B3GALT1: variants seen among roughly 807,000 people sequenced by gnomAD.
B3GALT1 encodes the protein beta-1,3-galactosyltransferase 1.
A neutral mutation model predicts 23.2 loss-of-function variants in B3GALT1; 10 were observed. That is an observed-to-expected ratio of 0.43 (90% confidence interval 0.27 to 0.73). The LOEUF (loss-of-function observed/expected upper bound fraction) is 0.73, where lower values mean the gene tolerates loss of function less well. B3GALT1 is among the 30% of genes least tolerant of loss of function. B3GALT1 has a pLI of 0.21. For synonymous variants in B3GALT1, 156 were observed against 141.5 expected, an observed-to-expected ratio of 1.10 and a Z score of -0.73; for missense variants, 299 against 405.4, an observed-to-expected ratio of 0.74 and a Z score of 2.25.
intron 2 of B3GALT1, among the ~76,000 whole-genome samples, chr2:167,592,981 A>G (rs886345676): frequency 6.6e-6 from 1 of 152,206 alleles, no homozygotes; most frequent in African/African-American, 2.4e-5. Context: ...TCAAACTAAC[A>G]GAAGTTGTGG....
At chr2:167,593,897 C>T (rs1202633523) in intron 2 of B3GALT1, among the ~76,000 whole-genome samples, 1 of 152,124 alleles carries the variant, frequency 6.6e-6, no homozygotes, top group Admixed American at 6.5e-5. Context: ...AAATTGAGGA[C>T]TTACCAGGAG....
intron 3 of B3GALT1, among the ~76,000 whole-genome samples, chr2:167,766,766 C>T (rs981092707): frequency 5.3e-5 from 8 of 152,114 alleles, no homozygotes; most frequent in Non-Finnish European, 7.4e-5. Flanking sequence ...GGTACAGTTT[C>T]CCAGGAGTTT....
chr2:167,847,910 T>C (rs1415921349), intron 4 of B3GALT1, among the ~76,000 whole-genome samples: 1 of 151,424 alleles, frequency 6.6e-6, no homozygotes, highest in East Asian at 1.9e-4. Flanking sequence ...CAGGACATAA[T>C]ACAACTGACA....
intron 1 of B3GALT1, among the ~76,000 whole-genome samples, chr2:167,377,303 A>G (rs1269577944): frequency 1.3e-5 from 2 of 152,082 alleles, no homozygotes; most frequent in African/African-American, 2.4e-5. Context: ...AGAGGAATGT[A>G]TATTGTGGTT....
At chr2:167,515,372 G>A (rs1700084191) in intron 2 of B3GALT1, among the ~76,000 whole-genome samples, 1 of 152,168 alleles carries the variant, frequency 6.6e-6, no homozygotes, top group Non-Finnish European at 1.5e-5. Flanking sequence ...TTCAGATGGA[G>A]AAGGTCTTTA....
At chr2:167,764,056 A>C (rs1687937852) in intron 3 of B3GALT1, among the ~76,000 whole-genome samples, 1 of 152,224 alleles carries the variant, frequency 6.6e-6, no homozygotes, top group Admixed American at 6.5e-5. Flanking sequence ...GGTAGAGTGC[A>C]TTTAGACACA....
chr2:167,499,482 TAAAG>T (rs1699822317), intron 2 of B3GALT1, among the ~76,000 whole-genome samples: 1 of 152,122 alleles, frequency 6.6e-6, no homozygotes, highest in African/African-American at 2.4e-5. Context: ...AAATCTTTGT[TAAAG>T]AAAAAATAAG....
chr2:167,379,885 A>C (rs1392542077), intron 1 of B3GALT1, among the ~76,000 whole-genome samples: 1 of 152,210 alleles, frequency 6.6e-6, no homozygotes, highest in African/African-American at 2.4e-5. Flanking sequence ...CTTCTAACAC[A>C]GGAGAATGGG....
chr2:167,712,981 T>C (rs1400086277), intron 3 of B3GALT1, among the ~76,000 whole-genome samples: 2 of 152,206 alleles, frequency 1.3e-5, no homozygotes, highest in Admixed American at 6.5e-5. Flanking sequence ...TTTTGGATAA[T>C]GTCCATATGG....
chr2:167,684,998 C>G (rs1558948503), intron 3 of B3GALT1, among the ~76,000 whole-genome samples: 1 of 152,142 alleles, frequency 6.6e-6, no homozygotes, highest in Admixed American at 6.5e-5. Flanking sequence ...TAACTACTTC[C>G]TACTCCAAAC....
intron 3 of B3GALT1, among the ~76,000 whole-genome samples, chr2:167,708,259 C>A (rs1686994117): frequency 6.6e-6 from 1 of 152,234 alleles, no homozygotes; most frequent in African/African-American, 2.4e-5. Flanking sequence ...ATAAGAATAA[C>A]AACTTAAAGT....
chr2:167,855,056 A>G (rs1689973201), intron 4 of B3GALT1, among the ~76,000 whole-genome samples: 1 of 152,192 alleles, frequency 6.6e-6, no homozygotes, highest in Admixed American at 6.5e-5. Flanking sequence ...GAAGTAGCCC[A>G]GTGAATGGGG....
chr2:167,398,057 GAAA>G (rs1245180997), intron 1 of B3GALT1, among the ~76,000 whole-genome samples: 1 of 152,140 alleles, frequency 6.6e-6, no homozygotes, highest in Non-Finnish European at 1.5e-5. Flanking sequence ...ATAATAGCAT[GAAA>G]CATTTTTATA....
intron 3 of B3GALT1, among the ~76,000 whole-genome samples, chr2:167,692,502 A>C (rs1333604786): frequency 6.6e-6 from 1 of 152,134 alleles, no homozygotes; most frequent in African/African-American, 2.4e-5. Context: ...AAGAGCATGC[A>C]TACTCATTTT....
At chr2:167,712,666 G>A (rs1687080477) in intron 3 of B3GALT1, among the ~76,000 whole-genome samples, 2 of 152,076 alleles carry the variant, frequency 1.3e-5, no homozygotes, top group South Asian at 4.1e-4. Context: ...GTGCTTACTT[G>A]AGAGAACTTG....
intron 1 of B3GALT1, among the ~76,000 whole-genome samples, chr2:167,377,305 A>G (rs1021794989): frequency 6.6e-6 from 1 of 152,040 alleles, no homozygotes; most frequent in Non-Finnish European, 1.5e-5. Flanking sequence ...AGGAATGTAT[A>G]TTGTGGTTGA....
intron 2 of B3GALT1, among the ~76,000 whole-genome samples, chr2:167,569,189 T>C (rs964836357): frequency 6.6e-6 from 1 of 151,922 alleles, no homozygotes; most frequent in African/African-American, 2.4e-5. Context: ...TTCAGTATTA[T>C]ATTTGTTATT....
intron 4 of B3GALT1, among the ~76,000 whole-genome samples, chr2:167,853,356 C>G (rs764411944): frequency 6.6e-6 from 1 of 152,048 alleles, no homozygotes; most frequent in Admixed American, 6.6e-5. Context: ...ATTGAGAGTT[C>G]TCTATTTTTT....
chr2:167,397,345 T>A (rs1435987291), intron 1 of B3GALT1, among the ~76,000 whole-genome samples: 2 of 151,988 alleles, frequency 1.3e-5, no homozygotes, highest in African/African-American at 4.8e-5. Context: ...TTCCTTTGAA[T>A]CCAAAATGCT....
Sources: allele counts gnomAD v4.1 joint callset (sites outside exome capture counted in the v4.1 genomes callset), GRCh38; gene constraint gnomAD v4.1.1; transcripts MANE v1.5; gene names NCBI Gene and HGNC (gene_info 2026-07-23, HGNC 2026-07-21).